RPAP2: variants seen among roughly 807,000 people sequenced by gnomAD.
RPAP2 encodes putative RNA polymerase II subunit B1 CTD phosphatase RPAP2.
A neutral mutation model predicts 73.1 loss-of-function variants in RPAP2; 52 were observed. The observed-to-expected ratio is 0.71, with a 90% CI of 0.57 to 0.90. The LOEUF is 0.90. RPAP2 is among the 40% of genes least tolerant of loss of function. The probability of loss-of-function intolerance (pLI) is 0.00; values close to 1 mark genes in which losing one functional copy is unlikely to be tolerated. For synonymous variants in RPAP2, 225 were observed against 242.1 expected, an observed-to-expected ratio of 0.93 and a Z score of 0.65; for missense variants, 598 against 701.8, an observed-to-expected ratio of 0.85 and a Z score of 1.67.
At chr1:92,349,166 C>A (rs17131625) in intron 11 of RPAP2, among the ~76,000 whole-genome samples, 7,335 of 152,174 alleles carry the variant, frequency 0.048, 610 homozygotes, top group African/African-American at 0.17. Context: ...TAAGTCACAA[C>A]TTGTAGACAT....
In RPAP2 at chr1:92,395,608, C is replaced by G. The variant is rs1487404331; in HGVS notation, c.*8597C>G. ...CCAAGATCACACCACCGCACTAGAG[C>G]CTGGGTGACAGAGTGAGACCCTGTC... On this transcript the variant is annotated 3_prime_UTR_variant, in exon 13 of 13. Coordinates refer to ENST00000610020, the MANE Select transcript of RPAP2 (RefSeq NM_024813.3). 4 of 141,452 alleles carry G rather than the reference C, an allele frequency of 2.8e-5. No homozygotes were observed. The highest frequency in any genetic ancestry group is 6.0e-5 in the Non-Finnish European group (4 of 67,148). The allele number at this position is 141,452 out of a possible 1,614,324, so 8.8% of individuals were successfully genotyped here.
chr1:92,363,232 T>A (rs1654802668), intron 11 of RPAP2, among the ~76,000 whole-genome samples: 1 of 152,290 alleles, frequency 6.6e-6, no homozygotes, highest in South Asian at 2.1e-4. Context: ...AGTAACCATT[T>A]GTTTTGGATA....
intron 6 of RPAP2, among the ~76,000 whole-genome samples, chr1:92,314,377 G>A (rs1651787009): frequency 6.7e-6 from 1 of 148,628 alleles, no homozygotes; most frequent in South Asian, 2.1e-4. Context: ...ATTTAGTAGT[G>A]CATTTTATTT....
Position 92,398,948 on chromosome 1 carries a change from C to T in RPAP2, c.*11937C>T, listed in dbSNP as rs1656250451. 6.6e-6 allele frequency: 1 copy of T among 152,244 alleles called. No individual in the cohort carries two copies. The highest frequency in any genetic ancestry group is 1.5e-5 in the Non-Finnish European group (1 of 68,046). The allele number at this position is 152,244 out of a possible 1,614,324, so 9.4% of individuals were successfully genotyped here. On this transcript the variant is annotated 3_prime_UTR_variant, in exon 13 of 13. Coordinates refer to ENST00000610020, the MANE Select transcript of RPAP2 (RefSeq NM_024813.3). ...TATGAACTTTTGTAAAAGGTCCACACCCAGCCAGTTTTCTACTCTCTAAAT... is the reference window on the plus strand; with the variant it reads ...TATGAACTTTTGTAAAAGGTCCACATCCAGCCAGTTTTCTACTCTCTAAAT...
intron 1 of RPAP2, among the ~76,000 whole-genome samples, chr1:92,299,411 C>T (rs941128346): frequency 1.3e-5 from 2 of 152,122 alleles, no homozygotes; most frequent in Non-Finnish European, 2.9e-5. Context: ...AGTGGAGGCC[C>T]CGGGAACCCA....
intron 8 of RPAP2, among the ~76,000 whole-genome samples, chr1:92,332,224 C>T (rs1571074370): frequency 6.6e-6 from 1 of 151,902 alleles, no homozygotes; most frequent in Non-Finnish European, 1.5e-5. Context: ...TCAGCATTCT[C>T]TCTTCAGCCA....
chr1:92,337,974 G>T (rs568032596), intron 10 of RPAP2, among the ~76,000 whole-genome samples: 47 of 152,204 alleles, frequency 3.1e-4, no homozygotes, highest in African/African-American at 1.1e-3. Context: ...ATGTTCTTGA[G>T]AAAGTAATCT....
chr1:92,373,739 T>TAAAAAAAAAAAAA (rs59586077), intron 11 of RPAP2, among the ~76,000 whole-genome samples: 2 of 80,484 alleles, frequency 2.5e-5, no homozygotes, highest in Non-Finnish European at 4.9e-5. Context: ...CTACTAAAAA[T>TAAAAAAAAAAAAA]AAAAAAAAAA....
chr1:92,380,697 T>C, intron 11 of RPAP2, 27 bp from the exon 12 acceptor site: 3 of 1,520,026 alleles, frequency 2.0e-6, no homozygotes, highest in Non-Finnish European at 2.6e-6. Context: ...TTCATGGATA[T>C]GCATTTAGTA....
intron 2 of RPAP2, among the ~76,000 whole-genome samples, chr1:92,301,203 G>T (rs547647872): frequency 1.3e-5 from 2 of 152,312 alleles, no homozygotes; most frequent in South Asian, 2.1e-4. Flanking sequence ...CAGAAATTTG[G>T]CCGGATGTGG....
intron 11 of RPAP2, among the ~76,000 whole-genome samples, chr1:92,378,308 G>A (rs562927907): frequency 1.6e-4 from 25 of 152,070 alleles, no homozygotes; most frequent in Admixed American, 5.9e-4. Context: ...GGGTTCAAGC[G>A]ATTCTCCTAC....
At chr1:92,363,068 G>GA (rs1294838536) in intron 11 of RPAP2, among the ~76,000 whole-genome samples, 3 of 152,042 alleles carry the variant, frequency 2.0e-5, no homozygotes, top group South Asian at 2.1e-4. Context: ...TCTCCAGGGG[G>GA]AAAAAAATGC....
intron 11 of RPAP2, among the ~76,000 whole-genome samples, chr1:92,377,085 C>T (rs754993332): frequency 2.6e-5 from 4 of 152,114 alleles, no homozygotes; most frequent in Non-Finnish European, 5.9e-5. Flanking sequence ...AGCTATTCCT[C>T]TACAGTATCC....
intron 11 of RPAP2, among the ~76,000 whole-genome samples, chr1:92,365,330 T>C (rs184932162): frequency 5.3e-4 from 80 of 152,342 alleles, no homozygotes; most frequent in African/African-American, 1.9e-3. Flanking sequence ...TTCAGAACTT[T>C]AACACAGCTT....
chr1:92,375,486 G>A (rs34942601), intron 11 of RPAP2, among the ~76,000 whole-genome samples: 1 of 152,122 alleles, frequency 6.6e-6, no homozygotes, highest in African/African-American at 2.4e-5. Context: ...CCTGAGCTCA[G>A]GAGTTCAAGA....
intron 11 of RPAP2, among the ~76,000 whole-genome samples, chr1:92,356,267 A>C (rs1654458912): frequency 6.6e-6 from 1 of 152,128 alleles, no homozygotes; most frequent in Admixed American, 6.6e-5. Context: ...GTGAGCCACC[A>C]TGCCCAGCCT....
At position 92,323,473 on chromosome 1, in the gene RPAP2, T is replaced by C. The variant is rs763829225; in HGVS notation, c.553T>C (p.Cys185Arg). The C allele has an allele frequency of 8.1e-6, 13 of 1,609,406 alleles. No homozygotes were observed. Among genetic ancestry groups the C allele is most frequent in the South Asian group, 4.4e-5 (4 of 90,388 alleles). The change falls in exon 8 of 13, where the codon TGC becomes CGC. Residue 185 changes from cysteine to arginine, a missense_variant. Cys to Arg is a radical substitution (Grantham distance 180). This residue lies in a region of RPAP2 where 506 missense variants were observed against 612.8 expected (regional missense o/e 0.83). Transcript: ENST00000610020. ...CCATTCTGGAGAAGAAGTACAGTTA[T>C]GCAGTAAAGCCATTAAAACATCAGA... ...SGHSGEEVQL[C>R]SKAIKTSDID... is the part of the protein sequence containing the mutation.
chr1:92,339,067 G>T (rs540411822), intron 10 of RPAP2, among the ~76,000 whole-genome samples: 18 of 152,242 alleles, frequency 1.2e-4, no homozygotes, highest in African/African-American at 4.1e-4. Context: ...TCTAGCTTAT[G>T]TAGAATAGGT....
chr1:92,369,175 A>ATAAG (rs1223805476), intron 11 of RPAP2, among the ~76,000 whole-genome samples: 1 of 152,218 alleles, frequency 6.6e-6, no homozygotes, highest in Non-Finnish European at 1.5e-5. Context: ...GATTATTTTA[A>ATAAG]TAAGTATTTC....
Sources: allele counts gnomAD v4.1 joint callset (sites outside exome capture counted in the v4.1 genomes callset), GRCh38; gene constraint gnomAD v4.1.1; regional missense constraint gnomAD v4.1.1; transcripts MANE v1.5; gene names NCBI Gene and HGNC (gene_info 2026-07-23, HGNC 2026-07-21).